PLCB4: variants seen among roughly 807,000 people sequenced by gnomAD.
The protein encoded by PLCB4 is 1-phosphatidylinositol 4,5-bisphosphate phosphodiesterase beta-4.
In PLCB4, 77 loss-of-function variants were observed where a neutral mutation model predicts 178.8. The observed-to-expected ratio is 0.43, with a 90% confidence interval of 0.36 to 0.52. The LOEUF is 0.52. PLCB4 is among the 20% of genes least tolerant of loss of function. The probability of loss-of-function intolerance (pLI) is 0.00; values close to 1 mark genes in which losing one functional copy is unlikely to be tolerated. For missense variants in PLCB4, 1,024 were observed against 1,453.4 expected, an observed-to-expected ratio of 0.70 and a Z score of 4.80; for synonymous variants, 496 against 490.8, an observed-to-expected ratio of 1.01 and a Z score of -0.14.
intron 3 of PLCB4, among the ~76,000 whole-genome samples, chr20:9,263,229 T>G (rs1374232913): frequency 6.6e-6 from 1 of 152,148 alleles, no homozygotes. Context: ...GTGCCATGGA[T>G]AGCGTTGTGG....
intron 2 of PLCB4, among the ~76,000 whole-genome samples, chr20:9,186,947 C>A (rs1173443699): frequency 6.6e-6 from 1 of 151,900 alleles, no homozygotes; most frequent in South Asian, 2.1e-4. Context: ...TTTCCTGCTA[C>A]TTCCCTACCT....
chr20:9,136,557 G>A (rs1007243514), intron 2 of PLCB4, among the ~76,000 whole-genome samples: 9 of 152,166 alleles, frequency 5.9e-5, no homozygotes, highest in South Asian at 2.1e-4. Flanking sequence ...ACAAAAGAGG[G>A]TTTCAGTTCC....
At chr20:9,129,936 C>T (rs2092230127) in intron 2 of PLCB4, among the ~76,000 whole-genome samples, 1 of 151,726 alleles carries the variant, frequency 6.6e-6, no homozygotes. Context: ...CTTGTTTCTT[C>T]CTTTTGCTAC....
chr20:9,090,621 G>A (rs1012600304), intron 1 of PLCB4, among the ~76,000 whole-genome samples: 1 of 151,798 alleles, frequency 6.6e-6, no homozygotes, highest in African/African-American at 2.4e-5. Flanking sequence ...ACCTGAAATG[G>A]CAGAGTAAAG....
At chr20:9,338,462 T>G (rs758503187) in intron 6 of PLCB4, among the ~76,000 whole-genome samples, 1 of 152,118 alleles carries the variant, frequency 6.6e-6, no homozygotes, top group Admixed American at 6.5e-5. Context: ...GGCAGATCCC[T>G]TGAGCCCAGG....
intron 2 of PLCB4, among the ~76,000 whole-genome samples, chr20:9,141,218 A>C (rs2092483705): frequency 6.6e-6 from 1 of 152,168 alleles, no homozygotes; most frequent in Admixed American, 6.5e-5. Context: ...ATTGGGCCAG[A>C]ACTACTCATT....
At chr20:9,432,798 A>G (rs1156815419) in intron 28 of PLCB4, among the ~76,000 whole-genome samples, 4 of 152,218 alleles carry the variant, frequency 2.6e-5, no homozygotes, top group Admixed American at 6.5e-5. Context: ...ACCAGTGACC[A>G]CAGGGCAGAA....
At chr20:9,133,448 A>G (rs1362366658) in intron 2 of PLCB4, among the ~76,000 whole-genome samples, 2 of 32,234 alleles carry the variant, frequency 6.2e-5, no homozygotes, top group Non-Finnish European at 9.4e-5. Flanking sequence ...TTGCATTTTT[A>G]CTAGAGTGGG....
At chr20:9,097,419 C>A (rs2090960832) in intron 2 of PLCB4, among the ~76,000 whole-genome samples, 1 of 151,796 alleles carries the variant, frequency 6.6e-6, no homozygotes, top group Admixed American at 6.6e-5. Flanking sequence ...GGGGCTGTCA[C>A]CCCAAACCAC....
chr20:9,435,543 G>T lies in PLCB4; in HGVS notation c.2525-17G>T, dbSNP rs201044260. Reference sequence around the variant, plus strand: ...AAACAGAGAATTAACGGCTCATTGGGTTTTTTTTTCCCCTAGATATCGTGG... The same window carrying T: ...AAACAGAGAATTAACGGCTCATTGGTTTTTTTTTTCCCCTAGATATCGTGG... On this transcript the variant is annotated splice_polypyrimidine_tract_variant and intron_variant, in intron 28 of 39. Transcript: ENST00000378473. The T allele has an allele frequency of 1.3e-3, 1,832 of 1,433,172 alleles. 26 individuals are homozygous for T. The African/African-American group carries it at 0.023, about 18-fold the overall frequency. 88.8% of individuals were successfully genotyped at this position (1,433,172 alleles called of 1,614,324 possible).
chr20:9,396,191 A>C (rs909450686), intron 19 of PLCB4, among the ~76,000 whole-genome samples: 3 of 152,208 alleles, frequency 2.0e-5, no homozygotes, highest in African/African-American at 4.8e-5. Flanking sequence ...GAATCCCTGA[A>C]GCACTTGCTG....
At chr20:9,234,749 T>C (rs769390344) in intron 3 of PLCB4, among the ~76,000 whole-genome samples, 3 of 151,970 alleles carry the variant, frequency 2.0e-5, no homozygotes, top group Non-Finnish European at 4.4e-5. Context: ...GATGTTGGAT[T>C]GGGGGTAATT....
chr20:9,168,997 T>A (rs1385483932), intron 2 of PLCB4, among the ~76,000 whole-genome samples: 1 of 152,128 alleles, frequency 6.6e-6, no homozygotes, highest in African/African-American at 2.4e-5. Context: ...TTGCGGTTGC[T>A]ACAACCACCA....
At chr20:9,422,019 C>T (rs567347547) in intron 27 of PLCB4, among the ~76,000 whole-genome samples, 19 of 152,162 alleles carry the variant, frequency 1.2e-4, no homozygotes, top group Non-Finnish European at 2.1e-4. Flanking sequence ...CTCTAACGTT[C>T]GGTTGTTAAT....
chr20:9,148,944 GT>G (rs1409643324), intron 2 of PLCB4, among the ~76,000 whole-genome samples: 1 of 152,184 alleles, frequency 6.6e-6, no homozygotes, highest in African/African-American at 2.4e-5. Context: ...TGTTGTTATT[GT>G]TTGCTTGGGT....
At position 9,101,491 on chromosome 20, in the gene PLCB4, A is replaced by T. The variant is rs148319377; in HGVS notation, c.-79+5149A>T. Among the ~76,000 whole-genome samples, 18 of 152,302 alleles carry T rather than the reference A, an allele frequency of 1.2e-4. No individual in the cohort carries two copies. In the East Asian group the frequency reaches 3.5e-3, roughly 29 times the overall value. ...ACAAACTCTATACAATGAAAGATGG[A>T]GCATAAATTATGCGAGCAAGAAAGA... On this transcript the variant is annotated intron_variant, in intron 2 of 39. Coordinates refer to ENST00000378473, the MANE Select transcript of PLCB4 (RefSeq NM_001377142.1).
chr20:9,258,148 T>A lies in PLCB4; in HGVS notation c.-16+40696T>A, dbSNP rs113889235. Among the ~76,000 whole-genome samples, 244 of 152,332 alleles carry A rather than the reference T, an allele frequency of 1.6e-3. 2 individuals carry two copies. The highest frequency in any genetic ancestry group is 3.2e-3 in the Admixed American group (49 of 15,296). ...CACACACAGATGTTTTAATTTAGCA[T>A]TGGATCATCATCTCCCCTGGGCAGC... On this transcript the variant is annotated intron_variant, in intron 3 of 39. Transcript: ENST00000378473.
At chr20:9,440,665 G>A (rs1449102498) in intron 30 of PLCB4, among the ~76,000 whole-genome samples, 1 of 152,128 alleles carries the variant, frequency 6.6e-6, no homozygotes, top group Admixed American at 6.5e-5. Flanking sequence ...TCCACATATT[G>A]ATGGGAGAAA....
At chr20:9,232,911 T>A (rs965717709) in intron 3 of PLCB4, among the ~76,000 whole-genome samples, 2 of 152,066 alleles carry the variant, frequency 1.3e-5, no homozygotes, top group Non-Finnish European at 2.9e-5. Flanking sequence ...AAAAATATGA[T>A]TGTAATATGT....
Sources: gnomAD v4.1 joint callset for allele counts (sites outside exome capture counted in the v4.1 genomes callset) on GRCh38, gnomAD v4.1.1 for gene constraint, MANE v1.5 for transcripts, NCBI Gene and HGNC (gene_info 2026-07-23, HGNC 2026-07-21) for gene names.